The following LRBA variants were observed in gnomAD, a reference collection of about 807,000 sequenced individuals.
LRBA encodes the protein LPS responsive beige-like anchor protein, also known as lipopolysaccharide-responsive and beige-like anchor protein.
Under a neutral mutation model 330.0 loss-of-function variants are expected in LRBA, and 176 were observed. That is an observed-to-expected ratio of 0.53 (90% CI 0.47 to 0.60). The LOEUF (loss-of-function observed/expected upper bound fraction) is 0.60, where lower values mean the gene tolerates loss of function less well. Ranked by LOEUF, LRBA falls within the 20% of genes least tolerant of loss-of-function variation. The pLI is 0.00. For missense variants in LRBA, 3,259 were observed against 3,444.8 expected (o/e 0.95, Z 1.35); for synonymous variants, 1,230 against 1,193.0 (o/e 1.03, Z -0.64).
chr4:150,581,276 C>G, intron 40 of LRBA: 1 of 424,512 alleles, frequency 2.4e-6, no homozygotes, highest in Non-Finnish European at 4.7e-6. Context: ...TGTTTTTAAA[C>G]AGCATATCGA....
intron 47 of LRBA, among the ~76,000 whole-genome samples, chr4:150,352,039 G>C (rs1345868533): frequency 6.6e-6 from 1 of 152,178 alleles, no homozygotes; most frequent in Non-Finnish European, 1.5e-5. Context: ...TGGAATTCTG[G>C]AAAGCAAAAC....
intron 46 of LRBA, among the ~76,000 whole-genome samples, chr4:150,420,215 GAC>G (rs1748445991): frequency 6.7e-6 from 1 of 149,040 alleles, no homozygotes; most frequent in Non-Finnish European, 1.5e-5. Flanking sequence ...CAGCCTGGGT[GAC>G]AGAGTGAGAC....
intron 35 of LRBA, among the ~76,000 whole-genome samples, chr4:150,759,827 C>G (rs1734831577): frequency 6.6e-6 from 1 of 152,102 alleles, no homozygotes; most frequent in Admixed American, 6.5e-5. Flanking sequence ...AACTGAAGCT[C>G]AAAAACTAAA....
At chr4:150,624,889 G>T (rs542102277) in intron 37 of LRBA, among the ~76,000 whole-genome samples, 19 of 152,152 alleles carry the variant, frequency 1.2e-4, no homozygotes, top group Non-Finnish European at 2.1e-4. Flanking sequence ...CAAGTTTTTA[G>T]ATAACAAAGA....
intron 40 of LRBA, among the ~76,000 whole-genome samples, chr4:150,504,240 A>G (rs533355019): frequency 5.2e-4 from 79 of 152,298 alleles, no homozygotes; most frequent in African/African-American, 1.7e-3. Flanking sequence ...AAATACAGAG[A>G]ACGCCACAAA....
chr4:150,342,803 G>C (rs906362689), intron 48 of LRBA, among the ~76,000 whole-genome samples: 2 of 152,086 alleles, frequency 1.3e-5, no homozygotes, highest in African/African-American at 4.8e-5. Context: ...GACTGGGAAC[G>C]TATTTCCAGA....
intron 40 of LRBA, among the ~76,000 whole-genome samples, chr4:150,532,607 C>T (rs867158279): frequency 1.3e-4 from 19 of 151,990 alleles, no homozygotes; most frequent in Middle Eastern, 6.9e-3. Context: ...AATGAAATTG[C>T]TATTTTTAAA....
chr4:150,817,066 G>A, intron 31 of LRBA, 58 bp downstream of exon 31: 2 of 1,520,898 alleles, frequency 1.3e-6, no homozygotes, highest in Admixed American at 1.7e-5. Flanking sequence ...AAAATCTTAA[G>A]CGTTGCTAAA....
At chr4:150,717,626 T>C (rs377117758) in intron 36 of LRBA, among the ~76,000 whole-genome samples, 41 of 148,730 alleles carry the variant, frequency 2.8e-4, no homozygotes, top group African/African-American at 1.0e-3. Context: ...CACCACTACA[T>C]TCCAGCCTGG....
At chr4:150,700,876 G>C (rs2126994840) in intron 36 of LRBA, among the ~76,000 whole-genome samples, 1 of 151,450 alleles carries the variant, frequency 6.6e-6, no homozygotes, top group South Asian at 2.1e-4. Context: ...TCCCACTTCA[G>C]CTTTCTGAGT....
At chr4:150,642,659 G>A (rs1778790976) in intron 37 of LRBA, among the ~76,000 whole-genome samples, 1 of 151,712 alleles carries the variant, frequency 6.6e-6, no homozygotes, top group Non-Finnish European at 1.5e-5. Flanking sequence ...ATTTTACTCT[G>A]CATATAATAT....
At chr4:150,612,207 A>T (rs1775342690) in intron 37 of LRBA, among the ~76,000 whole-genome samples, 2 of 152,220 alleles carry the variant, frequency 1.3e-5, no homozygotes, top group South Asian at 4.1e-4. Flanking sequence ...AAAAGAACAA[A>T]AAAAAAGTCA....
At position 150,973,869 on chromosome 4, in the gene LRBA, C is replaced by T. The variant is rs1435042810; in HGVS notation, c.216+40558G>A. On this transcript the variant is annotated intron_variant, in intron 2 of 56. Coordinates refer to ENST00000651943, the MANE Select transcript of LRBA (RefSeq NM_001364905.1). ...AAAAGAAACTTGAGCATCAGCAGTG[C>T]AGTAAAGTTTAAAAGAGCACAACAC... is the stretch of plus-strand genomic sequence containing the variant. 2.0e-5 allele frequency among the ~76,000 whole-genome samples: 3 copies of T among 152,268 alleles called. No homozygotes were observed. In the South Asian group the frequency reaches 6.2e-4, roughly 32 times the overall value.
chr4:150,303,924 A>C (rs1168666878), intron 52 of LRBA, among the ~76,000 whole-genome samples: 1 of 152,212 alleles, frequency 6.6e-6, no homozygotes, highest in Non-Finnish European at 1.5e-5. Context: ...GTAGTAATTC[A>C]CACAAACTTG....
intron 44 of LRBA, among the ~76,000 whole-genome samples, chr4:150,456,712 G>T (rs1296841473): frequency 6.6e-6 from 1 of 152,006 alleles, no homozygotes; most frequent in Non-Finnish European, 1.5e-5. Flanking sequence ...TGCTTTGGTT[G>T]CCTGTGCTTA....
chr4:150,452,705 C>T (rs922802614), intron 44 of LRBA, among the ~76,000 whole-genome samples: 2 of 151,856 alleles, frequency 1.3e-5, no homozygotes, highest in Admixed American at 6.6e-5. Context: ...CACTTAAGGG[C>T]GAAAGACTGA....
intron 44 of LRBA, among the ~76,000 whole-genome samples, chr4:150,449,548 T>C (rs1163745093): frequency 7.3e-6 from 1 of 137,536 alleles, no homozygotes; most frequent in African/African-American, 2.7e-5. Context: ...ACCAGAAAAG[T>C]ACATAAAAAA....
intron 46 of LRBA, among the ~76,000 whole-genome samples, chr4:150,420,544 A>G (rs201827201): frequency 0.14 from 1,214 of 8,950 alleles, 507 homozygotes; most frequent in Middle Eastern, 0.5. Context: ...ACACATTATA[A>G]TATATATAAA....
At chr4:150,514,727 A>G (rs1762163365) in intron 40 of LRBA, among the ~76,000 whole-genome samples, 1 of 152,318 alleles carries the variant, frequency 6.6e-6, no homozygotes, top group Non-Finnish European at 1.5e-5. Flanking sequence ...ACCAGGACTC[A>G]AGAACTCTGA....
Sources: allele counts gnomAD v4.1 joint callset (sites outside exome capture counted in the v4.1 genomes callset), GRCh38; gene constraint gnomAD v4.1.1; transcripts MANE v1.5; gene names NCBI Gene and HGNC (gene_info 2026-07-23, HGNC 2026-07-21).